SLC9D1: variants seen among roughly 807,000 people sequenced by gnomAD.
SLC9D1 encodes putative LAG1-interacting protein.
chr13:113,507,819 G>A, the SLC9D1 span, among the ~76,000 whole-genome samples: 1 of 152,242 alleles, frequency 6.6e-6, no homozygotes, highest in African/African-American at 2.4e-5. Flanking sequence ...GGGCTGCTGG[G>A]TGAGGCAGGT....
chr13:113,540,720 G>A, the SLC9D1 span, among the ~76,000 whole-genome samples: 1 of 152,242 alleles, frequency 6.6e-6, no homozygotes, highest in Non-Finnish European at 1.5e-5. Flanking sequence ...CTGGGCGGAA[G>A]CTCCTTGGCT....
chr13:113,511,095 G>T, the SLC9D1 span, among the ~76,000 whole-genome samples: 2 of 151,180 alleles, frequency 1.3e-5, no homozygotes, highest in Non-Finnish European at 3.0e-5. Context: ...GTGCGGGGAG[G>T]ACAGTGGAAG....
the SLC9D1 span, among the ~76,000 whole-genome samples, chr13:113,540,372 C>T: frequency 3.3e-4 from 50 of 152,290 alleles, no homozygotes; most frequent in African/African-American, 1.2e-3. Context: ...TAAGTGTTGC[C>T]GTTTCTCCAC....
At chr13:113,539,516 C>G in the SLC9D1 span, 2 of 1,610,398 alleles carry the variant, frequency 1.2e-6, no homozygotes, top group Non-Finnish European at 1.7e-6. This position sits in a 1 kb window ranked among gnomAD's most constrained non-coding sequence, Gnocchi z 4.8. Flanking sequence ...AGGTAATCTT[C>G]CTTCTTTACA....
chr13:113,495,097 G>C, the SLC9D1 span, among the ~76,000 whole-genome samples: 381 of 152,294 alleles, frequency 2.5e-3, 2 homozygotes, highest in African/African-American at 8.8e-3. Flanking sequence ...CAGGTGATCT[G>C]CCTGCCTTGG....
the SLC9D1 span, among the ~76,000 whole-genome samples, chr13:113,497,430 C>A: frequency 6.9e-6 from 1 of 144,984 alleles, no homozygotes; most frequent in East Asian, 2.1e-4. Flanking sequence ...CTGTGTGAGA[C>A]CAGCTGTGTG....
chr13:113,512,404 G>A, the SLC9D1 span, among the ~76,000 whole-genome samples: 4 of 151,910 alleles, frequency 2.6e-5, no homozygotes, highest in Admixed American at 6.6e-5. Flanking sequence ...TGTAGACGGA[G>A]AGGGTTGGAG....
the SLC9D1 span, among the ~76,000 whole-genome samples, chr13:113,544,195 G>A: frequency 2.3e-4 from 35 of 152,364 alleles, no homozygotes; most frequent in African/African-American, 7.5e-4. Flanking sequence ...CCTGCAGGCT[G>A]GCAGGCGTCG....
the SLC9D1 span, chr13:113,535,213 G>A: frequency 6.6e-6 from 1 of 152,264 alleles, no homozygotes; most frequent in East Asian, 1.9e-4. This position sits in a 1 kb window ranked among gnomAD's most constrained non-coding sequence, Gnocchi z 4.1. Flanking sequence ...GTTTTTAACT[G>A]TGTTGCTCAC....
chr13:113,500,138 C>T, the SLC9D1 span: 1 of 1,511,064 alleles, frequency 6.6e-7, no homozygotes, highest in Non-Finnish European at 8.9e-7. Flanking sequence ...TGCAGATCAC[C>T]ACTTTATAAA....
At chr13:113,491,768 C>A in the SLC9D1 span, among the ~76,000 whole-genome samples, 2 of 152,226 alleles carry the variant, frequency 1.3e-5, no homozygotes, top group Non-Finnish European at 2.9e-5. Context: ...TGTCCCTGGC[C>A]CCCCTCCTGT....
the SLC9D1 span, among the ~76,000 whole-genome samples, chr13:113,537,107 GT>G: frequency 6.6e-6 from 1 of 152,208 alleles, no homozygotes; most frequent in East Asian, 1.9e-4. Flanking sequence ...CCTCCAGGTC[GT>G]TATTCTGTAG....
chr13:113,548,807 C>T, the SLC9D1 span, among the ~76,000 whole-genome samples: 3 of 152,204 alleles, frequency 2.0e-5, no homozygotes, highest in Non-Finnish European at 2.9e-5. Context: ...GCCCGGAGAG[C>T]TGGGTGGAGG....
the SLC9D1 span, among the ~76,000 whole-genome samples, chr13:113,491,731 C>A: frequency 1.3e-5 from 2 of 152,180 alleles, no homozygotes. Flanking sequence ...CTCGGGGCCT[C>A]CAGGGCCGGC....
At chr13:113,528,649 T>A in the SLC9D1 span, 1 of 152,182 alleles carries the variant, frequency 6.6e-6, no homozygotes, top group Non-Finnish European at 1.5e-5. Flanking sequence ...GCAGGGCACT[T>A]AGTGCAGCCG....
chr13:113,495,953 T>C, the SLC9D1 span: 2 of 1,613,802 alleles, frequency 1.2e-6, no homozygotes, highest in South Asian at 2.2e-5. Flanking sequence ...TGCAGGGGGA[T>C]TACAAAGATG....
chr13:113,549,448 G>C, the SLC9D1 span: 2 of 1,614,056 alleles, frequency 1.2e-6, no homozygotes, highest in Non-Finnish European at 1.7e-6. Flanking sequence ...TACTGAGTGT[G>C]ACCACGCTCA....
At chr13:113,527,187 T>C in the SLC9D1 span, 1 of 152,276 alleles carries the variant, frequency 6.6e-6, no homozygotes, top group Non-Finnish European at 1.5e-5. Flanking sequence ...TAATGTTTAC[T>C]GCAGACATCA....
At chr13:113,524,811 G>C in the SLC9D1 span, among the ~76,000 whole-genome samples, 1 of 151,948 alleles carries the variant, frequency 6.6e-6, no homozygotes, top group Admixed American at 6.6e-5. Context: ...CATATTGTTG[G>C]ATGATTTTTT....
Sources: allele counts gnomAD v4.1 joint callset (sites outside exome capture counted in the v4.1 genomes callset), GRCh38; gene constraint gnomAD v4.1.1; non-coding constraint Gnocchi (gnomAD v3.1); transcripts MANE v1.5; gene names NCBI Gene and HGNC (gene_info 2026-07-23, HGNC 2026-07-21).